The following KIAA1328 variants were observed in gnomAD, a reference collection of about 807,000 sequenced individuals.
KIAA1328 encodes the protein protein hinderin.
KIAA1328 carries 52 observed loss-of-function variants against 68.1 expected under a neutral mutation model. The ratio of observed to expected loss-of-function variants is 0.76; its 90% confidence interval spans 0.61 to 0.96. The LOEUF (loss-of-function observed/expected upper bound fraction) is 0.96, where lower values mean the gene tolerates loss of function less well. KIAA1328 is among the 40% of genes least tolerant of loss of function. KIAA1328 has a pLI of 0.00. For synonymous variants in KIAA1328, 232 were observed against 239.4 expected (o/e 0.97, Z 0.28); for missense variants, 641 against 677.6 (o/e 0.95, Z 0.60).
At chr18:37,169,519 TTGTGTGTG>T (rs377291936) in intron 8 of KIAA1328, among the ~76,000 whole-genome samples, 2 of 149,844 alleles carry the variant, frequency 1.3e-5, no homozygotes, top group African/African-American at 4.9e-5. Context: ...GTGTCTGTGT[TTGTGTGTG>T]TGTGTGTGTG....
At chr18:37,183,673 AACTTG>A (rs752566413) in intron 9 of KIAA1328, among the ~76,000 whole-genome samples, 44 of 152,228 alleles carry the variant, frequency 2.9e-4, no homozygotes, top group Non-Finnish European at 5.1e-4. Flanking sequence ...GCCCTTAAAG[AACTTG>A]ACTTATCAAT....
chr18:36,941,088 G>A (rs1004006946), intron 5 of KIAA1328, among the ~76,000 whole-genome samples: 15 of 152,226 alleles, frequency 9.9e-5, no homozygotes, highest in African/African-American at 3.4e-4. Context: ...CTCACCTCAG[G>A]CTTCTGGAAA....
At position 37,223,977 on chromosome 18, in the gene KIAA1328, C is replaced by G. The variant is rs2060606852; in HGVS notation, c.*1750C>G. ...GATTAAAATTTCTTTATAAAGTTCA[C>G]CTCTGAGAGTAACCAAATCGGTTTC... On this transcript the variant is annotated 3_prime_UTR_variant, in exon 10 of 10. Transcript: ENST00000280020. 2.3e-5 allele frequency: 23 copies of G among 985,260 alleles called. No homozygotes were observed. The highest frequency in any genetic ancestry group is 2.7e-5 in the Non-Finnish European group (22 of 829,918). The allele number at this position is 985,260 out of a possible 1,614,324, so 61.0% of individuals were successfully genotyped here. A position where few individuals can be genotyped will look rare whatever the true frequency, so the allele number is the denominator to read the frequency against.
downstream of KIAA1328, among the ~76,000 whole-genome samples, chr18:37,229,298 A>G (rs541774654): frequency 4.3e-4 from 65 of 152,270 alleles, 1 homozygote; most frequent in African/African-American, 1.4e-3. Flanking sequence ...ATCTTATTCA[A>G]TCCTTATGAG....
chr18:36,868,321 A>C (rs1462014927), intron 4 of KIAA1328, among the ~76,000 whole-genome samples: 1 of 152,172 alleles, frequency 6.6e-6, no homozygotes, highest in Non-Finnish European at 1.5e-5. Flanking sequence ...TCTTTCTAGG[A>C]GGTATTAGGA....
chr18:37,088,890 A>C (rs1176923956), intron 7 of KIAA1328, among the ~76,000 whole-genome samples: 2 of 152,028 alleles, frequency 1.3e-5, no homozygotes, highest in Non-Finnish European at 2.9e-5. Context: ...AGTATCAGTC[A>C]TTTTTCATTT....
At chr18:36,833,358 T>G (rs1220831986) in intron 1 of KIAA1328, 1 of 152,138 alleles carries the variant, frequency 6.6e-6, no homozygotes, top group Non-Finnish European at 1.5e-5. Flanking sequence ...GCTTCCTGGG[T>G]AGAAGAAATC....
At chr18:37,175,165 T>C (rs977114288) in intron 9 of KIAA1328, among the ~76,000 whole-genome samples, 1 of 152,194 alleles carries the variant, frequency 6.6e-6, no homozygotes, top group Non-Finnish European at 1.5e-5. Flanking sequence ...AGAAGGAAGA[T>C]TATCTGGATT....
At chr18:36,843,202 T>C (rs931970331) in intron 3 of KIAA1328, among the ~76,000 whole-genome samples, 2 of 152,188 alleles carry the variant, frequency 1.3e-5, no homozygotes, top group African/African-American at 4.8e-5. Context: ...CGTTTGCACA[T>C]GAATGGTTTG....
At chr18:36,872,274 C>A (rs2047972356) in intron 4 of KIAA1328, among the ~76,000 whole-genome samples, 1 of 151,884 alleles carries the variant, frequency 6.6e-6, no homozygotes, top group Non-Finnish European at 1.5e-5. Context: ...CTTCTAAGAC[C>A]CTAGGCATAT....
rs2059245513 is a variant in KIAA1328 at position 37,160,118 on chromosome 18, C to G, written c.1233-82C>G. On this transcript the variant is annotated intron_variant, in intron 7 of 9. Coordinates refer to ENST00000280020, the MANE Select transcript of KIAA1328 (RefSeq NM_020776.3). Reference sequence around the variant, plus strand: ...AGAGAGTTCTTAATGAATTGCATTTCAACCCATACTGAATTTAAATATCTA... The same window carrying G: ...AGAGAGTTCTTAATGAATTGCATTTGAACCCATACTGAATTTAAATATCTA... The G allele has an allele frequency of 5.6e-6, 6 of 1,078,910 alleles. No individual in the cohort carries two copies. The South Asian group carries it at 9.9e-5, about 18-fold the overall frequency. 66.8% of individuals were successfully genotyped at this position (1,078,910 alleles called of 1,614,324 possible). A position where few individuals can be genotyped will look rare whatever the true frequency, so the allele number is the denominator to read the frequency against.
At chr18:37,101,593 G>T (rs1184195101) in intron 7 of KIAA1328, among the ~76,000 whole-genome samples, 3 of 152,208 alleles carry the variant, frequency 2.0e-5, no homozygotes, top group Non-Finnish European at 2.9e-5. Context: ...AAAACACTCT[G>T]CAGGATATTA....
rs543090022 is a variant in KIAA1328 at position 37,031,058 on chromosome 18, A to G, written c.577-35832A>G. 5.9e-5 allele frequency among the ~76,000 whole-genome samples: 9 copies of G among 152,278 alleles called. No homozygotes were observed. The South Asian group carries it at 1.7e-3, about 28-fold the overall frequency. ...TAGTATTCCATGGTGTATATGTGCC[A>G]CATTTTCTTAATCCAGTCTATCATT... On this transcript the variant is annotated intron_variant, in intron 6 of 9. Transcript: ENST00000280020.
chr18:37,034,938 GAA>G (rs1479550825), intron 6 of KIAA1328, among the ~76,000 whole-genome samples: 1 of 152,156 alleles, frequency 6.6e-6, no homozygotes, highest in African/African-American at 2.4e-5. Context: ...ATAAGAATTA[GAA>G]AAGACTCCAT....
chr18:36,900,913 A>G (rs562670842), intron 5 of KIAA1328, among the ~76,000 whole-genome samples: 18 of 152,154 alleles, frequency 1.2e-4, no homozygotes, highest in African/African-American at 4.1e-4. Context: ...TTAGATACAG[A>G]GCCTGTCTCT....
chr18:37,155,737 A>G (rs2059137705), intron 7 of KIAA1328, among the ~76,000 whole-genome samples: 1 of 152,050 alleles, frequency 6.6e-6, no homozygotes, highest in Admixed American at 6.6e-5. Flanking sequence ...AGCATGGAAA[A>G]CGCAACCTTT....
intron 7 of KIAA1328, among the ~76,000 whole-genome samples, chr18:37,116,680 G>C (rs1468985087): frequency 6.6e-6 from 1 of 152,144 alleles, no homozygotes; most frequent in Non-Finnish European, 1.5e-5. Context: ...TTAAACTAAA[G>C]AGCTTCTGCA....
chr18:36,983,744 G>A (rs1411676717), intron 6 of KIAA1328, among the ~76,000 whole-genome samples: 1 of 152,028 alleles, frequency 6.6e-6, no homozygotes, highest in African/African-American at 2.4e-5. Context: ...GAAAATTATA[G>A]AAGAGGAAAT....
chr18:37,104,446 TGA>T (rs2057711924), intron 7 of KIAA1328, among the ~76,000 whole-genome samples: 1 of 152,020 alleles, frequency 6.6e-6, no homozygotes, highest in Non-Finnish European at 1.5e-5. Context: ...ATCACTCATG[TGA>T]GAGCTAAAAA....
Sources: gnomAD v4.1 joint callset for allele counts (sites outside exome capture counted in the v4.1 genomes callset) on GRCh38, gnomAD v4.1.1 for gene constraint, MANE v1.5 for transcripts, NCBI Gene and HGNC (gene_info 2026-07-23, HGNC 2026-07-21) for gene names.